The following DLEC1 variants were observed in gnomAD, a reference collection of about 807,000 sequenced individuals.
The protein encoded by DLEC1 is deleted in lung and esophageal cancer protein 1.
Under a neutral mutation model 198.1 loss-of-function variants are expected in DLEC1, and 146 were observed. The ratio of observed to expected loss-of-function variants is 0.74; its 90% confidence interval spans 0.64 to 0.85. The LOEUF is 0.85. Among genes scored for constraint, DLEC1 ranks in the 40% least tolerant of loss-of-function variants. DLEC1 has a pLI of 0.00. For missense variants in DLEC1, 2,233 were observed against 2,220.0 expected (o/e 1.01, Z -0.12); for synonymous variants, 897 against 866.8 (o/e 1.03, Z -0.61).
intron 13 of DLEC1, 113 bp downstream of exon 13, chr3:38,095,184 C>T (rs2125694311): frequency 7.4e-7 from 1 of 1,344,604 alleles, no homozygotes; most frequent in Non-Finnish European, 1.0e-6. Context: ...AGGTGCTATC[C>T]TGCCCAGGCC....
rs781599356 is a variant in DLEC1, at chr3:38,100,369, G to T, written c.2808G>T (p.Leu936=). The T allele has an allele frequency of 1.9e-6, 3 of 1,614,026 alleles. No homozygotes were observed. The highest frequency in any genetic ancestry group is 2.2e-5 in the East Asian group (1 of 44,870). The change falls in exon 19 of 37, where the codon CTG becomes CTT. Residue 936 remains leucine (L), a synonymous_variant. Coordinates refer to ENST00000308059, the MANE Select transcript of DLEC1 (RefSeq NM_007335.4). ...GGGTGGACATCACCTTGGAGGCCCT[G>T]CACTGCCAGCATCTGGAGACCGTCC... ...ECRVDITLEA[L]HCQHLETVLE...
chr3:38,093,883 G>C, intron 12 of DLEC1, 116 bp downstream of exon 12: 1 of 1,344,732 alleles, frequency 7.4e-7, no homozygotes, highest in Non-Finnish European at 1.0e-6. Context: ...GGCACAGAAT[G>C]GATATCCAAA....
chr3:38,079,569 GAGTC>G (rs1485008332), intron 6 of DLEC1, among the ~76,000 whole-genome samples: 7 of 152,252 alleles, frequency 4.6e-5, no homozygotes, highest in African/African-American at 9.6e-5. Context: ...ACCTGGGAAG[GAGTC>G]AGTCAGAGAG....
intron 34 of DLEC1, 23 bp downstream of exon 34, chr3:38,120,632 TGTG>T (rs1559469357): frequency 9.9e-6 from 16 of 1,611,874 alleles, no homozygotes; most frequent in East Asian, 8.9e-5. Flanking sequence ...CCCACCTACA[TGTG>T]GAGGAGGGTG....
chr3:38,064,759 G>A (rs1205846823), intron 6 of DLEC1, among the ~76,000 whole-genome samples: 8 of 151,288 alleles, frequency 5.3e-5, no homozygotes, highest in Admixed American at 1.3e-4. Flanking sequence ...GGGCAGAGGC[G>A]CTCCCCACAT....
intron 2 of DLEC1, among the ~76,000 whole-genome samples, chr3:38,046,015 G>A (rs562841746): frequency 5.3e-5 from 8 of 152,312 alleles, no homozygotes; most frequent in African/African-American, 1.9e-4. Context: ...AAAAGAAAAT[G>A]ATGGACACTG....
intron 1 of DLEC1, among the ~76,000 whole-genome samples, chr3:38,043,983 G>A (rs978115257): frequency 6.6e-6 from 1 of 152,044 alleles, no homozygotes; most frequent in African/African-American, 2.4e-5. Context: ...AAAGAAATGG[G>A]GTTAGCTGGG....
intron 7 of DLEC1, among the ~76,000 whole-genome samples, 156 bp from the exon 8 acceptor site, chr3:38,085,118 C>G (rs972312241): frequency 2.4e-4 from 36 of 152,232 alleles, no homozygotes; most frequent in African/African-American, 8.7e-4. Context: ...GCAGCCTGCT[C>G]CCCTCGCATG....
At chr3:38,117,341 T>C (rs1169600084) in intron 31 of DLEC1, 39 bp downstream of exon 31, 1 of 1,610,252 alleles carries the variant, frequency 6.2e-7, no homozygotes, top group Admixed American at 1.7e-5. Context: ...TTCATCCCCA[T>C]GGGGTGCACC....
rs561071711 is a variant in DLEC1 at position 38,122,335 on chromosome 3, G to A, written c.5191G>A (p.Gly1731Ser). 53 of 1,614,082 alleles carry A rather than the reference G, an allele frequency of 3.3e-5. No homozygotes were observed. The African/African-American group carries it at 4.3e-4, about 13-fold the overall frequency. The change falls in exon 37 of 37, where the codon GGT (glycine) becomes AGT (serine). Residue 1731 changes from glycine (G) to serine (S), a missense_variant. By Grantham distance (56) the Gly-to-Ser change is moderately conservative. Coordinates refer to ENST00000308059, the MANE Select transcript of DLEC1 (RefSeq NM_007335.4). ...CACGATGGTGGTGGAAGGTGTGCTCGGTGAGAAGTCCTGCACCCTGCGGCT... is the reference window on the plus strand; with the variant it reads ...CACGATGGTGGTGGAAGGTGTGCTCAGTGAGAAGTCCTGCACCCTGCGGCT... ...ESTMVVEGVL[G>S]EKSCTLRLRG...
chr3:38,095,483 A>C, intron 13 of DLEC1: 1 of 301,122 alleles, frequency 3.3e-6, no homozygotes, highest in Non-Finnish European at 6.4e-6. Flanking sequence ...CTAGAAGGGA[A>C]TTCGAGCTGG....
chr3:38,084,563 G>A (rs201144371), intron 7 of DLEC1, among the ~76,000 whole-genome samples: 27 of 58,778 alleles, frequency 4.6e-4, no homozygotes, highest in African/African-American at 6.8e-4. Flanking sequence ...TAGTAGTAGT[G>A]GTAGTAGTAG....
At chr3:38,053,708 A>G (rs1008667627) in intron 2 of DLEC1, among the ~76,000 whole-genome samples, 19 of 152,262 alleles carry the variant, frequency 1.2e-4, no homozygotes, top group African/African-American at 4.3e-4. Flanking sequence ...CCAACAGCTC[A>G]TTGAGAACGG....
rs1373192717 is a variant in DLEC1 at position 38,039,225 on chromosome 3, C to T, written c.-1C>T. On this transcript the variant is annotated 5_prime_UTR_variant, in exon 1 of 37. Coordinates refer to ENST00000308059, the MANE Select transcript of DLEC1 (RefSeq NM_007335.4). The stretch of plus-strand genomic sequence containing the variant: ...AGGGAGTTAGCGGCGTCTCGGTTGC[C>T]ATGGAGACCAGGAGCTCCAAAACGC... 10 of 1,595,820 alleles carry T rather than the reference C, an allele frequency of 6.3e-6. No homozygotes were observed. Among genetic ancestry groups the T allele is most frequent in the African/African-American group, 1.3e-5 (1 of 74,444 alleles).
chr3:38,088,520 T>C, intron 10 of DLEC1, 132 bp downstream of exon 10: 1 of 773,496 alleles, frequency 1.3e-6, no homozygotes, highest in South Asian at 1.8e-5. Context: ...ACGCATATTC[T>C]TGCATTCTGT....
intron 6 of DLEC1, among the ~76,000 whole-genome samples, chr3:38,067,675 G>T (rs1341035650): frequency 6.6e-6 from 1 of 151,996 alleles, no homozygotes; most frequent in Admixed American, 6.6e-5. Context: ...GCTTCTCTAT[G>T]TGGGCTGTGC....
chr3:38,062,166 T>C lies in DLEC1; in HGVS notation c.674-3T>C, dbSNP rs751988743. The stretch of plus-strand genomic sequence containing the variant: ...GATTCAGTTTGTTTCCTTGATGCTG[T>C]AGGCATCTCCCTACCTGGATGTTCA... On this transcript the variant is annotated splice_region_variant and splice_polypyrimidine_tract_variant and intron_variant, in intron 3 of 36. Transcript: ENST00000308059. The C allele has an allele frequency of 1.2e-6, 2 of 1,614,078 alleles. No homozygotes were observed. The highest frequency in any genetic ancestry group is 1.7e-6 in the Non-Finnish European group (2 of 1,180,044).
intron 6 of DLEC1, among the ~76,000 whole-genome samples, chr3:38,064,907 C>T (rs2125620988): frequency 6.6e-6 from 1 of 151,886 alleles, no homozygotes; most frequent in Middle Eastern, 3.4e-3. Flanking sequence ...GGCGGCCAGG[C>T]AGAGACGCTC....
At position 38,117,298 on chromosome 3, in the gene DLEC1, GCA is replaced by G. The variant is rs1559465913; in HGVS notation, c.4399_4400del (p.Gln1467AlafsTer19). 1 of 1,613,892 alleles carries G rather than the reference GCA, an allele frequency of 6.2e-7. No individual in the cohort carries two copies. The highest frequency in any genetic ancestry group is 8.5e-7 in the Non-Finnish European group (1 of 1,179,950). ...KLDLHSYVRP[A>X]QLSVELDYGG... The stretch of plus-strand genomic sequence containing the variant: ...GGACCTGCATAGCTACGTGAGGCCT[GCA>G]CAGTGAGTCAGCTGGGGTGCCCCAT... On this transcript the variant is annotated frameshift_variant and splice_region_variant, in exon 31 of 37. Transcript: ENST00000308059. LOFTEE classifies it high-confidence loss of function.
Sources: gnomAD v4.1 joint callset for allele counts (sites outside exome capture counted in the v4.1 genomes callset) on GRCh38, gnomAD v4.1.1 for gene constraint, MANE v1.5 for transcripts, NCBI Gene and HGNC (gene_info 2026-07-23, HGNC 2026-07-21) for gene names.